Variants in TRERF1 observed in about 807,000 individuals in gnomAD.
TRERF1 encodes transcriptional-regulating factor 1.
Under a neutral mutation model 122.9 loss-of-function variants are expected in TRERF1, and 27 were observed. The observed-to-expected ratio is 0.22, with a 90% CI of 0.16 to 0.30. TRERF1 has a LOEUF of 0.30. TRERF1 is among the 10% of genes least tolerant of loss of function. The pLI is 1.00. For synonymous variants in TRERF1, 636 were observed against 641.7 expected, an observed-to-expected ratio of 0.99 and a Z score of 0.13; for missense variants, 1,248 against 1,560.3, an observed-to-expected ratio of 0.80 and a Z score of 3.37.
intron 3 of TRERF1, among the ~76,000 whole-genome samples, chr6:42,354,588 G>T (rs1023057410): frequency 9.9e-5 from 15 of 151,874 alleles, no homozygotes; most frequent in African/African-American, 3.6e-4. Context: ...TGTTAATGAG[G>T]CATCAGAATT....
At chr6:42,321,003 AG>A (rs1385504114) in intron 3 of TRERF1, among the ~76,000 whole-genome samples, 1 of 152,150 alleles carries the variant, frequency 6.6e-6, no homozygotes, top group Non-Finnish European at 1.5e-5. Context: ...AAATGGCCAC[AG>A]GCTCATGACT....
chr6:42,283,772 G>A (rs910998933), intron 4 of TRERF1, among the ~76,000 whole-genome samples: 1 of 151,636 alleles, frequency 6.6e-6, no homozygotes, highest in East Asian at 1.9e-4. Flanking sequence ...ATGCGCCACC[G>A]TGCCTGGCTA....
At position 42,297,099 on chromosome 6, in the gene TRERF1, T is replaced by C. The variant is rs1582884075; in HGVS notation, c.-259+3539A>G. Among the ~76,000 whole-genome samples the C allele has an allele frequency of 2.0e-5, 3 of 152,290 alleles. No homozygotes were observed. In the East Asian group the frequency reaches 5.8e-4, roughly 29 times the overall value. ...AGAGGGACATATTCTCTCCCAGCCT[T>C]TCACCTGCTAGGCCTATGGCTACAC... On this transcript the variant is annotated intron_variant, in intron 4 of 17. Coordinates refer to ENST00000372922, the Ensembl canonical transcript of TRERF1.
chr6:42,379,809 G>A (rs775263363), intron 2 of TRERF1, among the ~76,000 whole-genome samples: 1 of 152,244 alleles, frequency 6.6e-6, no homozygotes, highest in Non-Finnish European at 1.5e-5. Flanking sequence ...GGGATGACAT[G>A]GGATTACAGG....
Position 42,268,859 on chromosome 6 carries a change from T to C in TRERF1, c.732A>G (p.Pro244=). ...CCTGCAGTGGCTGTCCTCCCTGCACTGGCACCTGAGCCAGAGGCTGCTGGT... is the reference window on the plus strand; with the variant it reads ...CCTGCAGTGGCTGTCCTCCCTGCACCGGCACCTGAGCCAGAGGCTGCTGGT... Residue 244 remains proline (P), a synonymous_variant, in exon 5 of 18, where the codon CCA becomes CCG. Transcript: ENST00000372922. The surrounding 1 kb of genome is among the most constrained non-coding windows in gnomAD (Gnocchi z 4.4). 1 of 1,614,134 alleles carries C rather than the reference T, an allele frequency of 6.2e-7. No individual in the cohort carries two copies. The highest frequency in any genetic ancestry group is 8.5e-7 in the Non-Finnish European group (1 of 1,180,008).
chr6:42,425,528 C>CTT (rs1783497341), intron 2 of TRERF1, among the ~76,000 whole-genome samples: 2 of 82,484 alleles, frequency 2.4e-5, no homozygotes, highest in African/African-American at 9.0e-5. Context: ...GCCCCCTGGG[C>CTT]ATTTTTTTTT....
At chr6:42,267,983 G>A (rs1779509602) in intron 5 of TRERF1, among the ~76,000 whole-genome samples, 171 bp downstream of exon 5, 1 of 152,238 alleles carries the variant, frequency 6.6e-6, no homozygotes, top group Non-Finnish European at 1.5e-5. Flanking sequence ...GATTGATTTT[G>A]TATTCCAAGT....
chr6:42,236,083 C>A, intron 16 of TRERF1, 122 bp downstream of exon 16: 2 of 1,402,338 alleles, frequency 1.4e-6, no homozygotes, highest in Non-Finnish European at 1.9e-6. Flanking sequence ...CAACATGGAG[C>A]ACCCTCTGCC....
chr6:42,328,874 C>G (rs115577285), intron 3 of TRERF1, among the ~76,000 whole-genome samples: 1,844 of 152,224 alleles, frequency 0.012, 31 homozygotes, highest in African/African-American at 0.04. Context: ...CTCATGCTCA[C>G]CTGAGAGAAA....
Position 42,243,084 on chromosome 6 carries a change from C to T in TRERF1, c.2859+164G>A, listed in dbSNP as rs548199697. On this transcript the variant is annotated intron_variant, in intron 15 of 17. Coordinates refer to ENST00000372922, the Ensembl canonical transcript of TRERF1. Reference sequence around the variant, plus strand: ...TATGGACTTCTTTCCTTTAAACCTACTCAGGAGGGTAGGTCCTGAATCCTG... The same window carrying T: ...TATGGACTTCTTTCCTTTAAACCTATTCAGGAGGGTAGGTCCTGAATCCTG... Among the ~76,000 whole-genome samples, 25 of 152,330 alleles carry T rather than the reference C, an allele frequency of 1.6e-4. No individual in the cohort carries two copies. In the South Asian group the frequency reaches 2.5e-3, roughly 15 times the overall value.
At chr6:42,236,399 C>T in exon 16 of TRERF1, 1 of 1,554,274 alleles carries the variant, frequency 6.4e-7, no homozygotes, top group South Asian at 1.2e-5. Context: ...AACTCTTCTT[C>T]TTCTTCACTT....
intron 16 of TRERF1, among the ~76,000 whole-genome samples, chr6:42,233,793 C>T (rs756140807): frequency 6.6e-5 from 10 of 152,118 alleles, no homozygotes; most frequent in Non-Finnish European, 1.0e-4. Flanking sequence ...CCCGAGGAAG[C>T]CCTAGCACCC....
At chr6:42,258,486 C>T (rs577691368) in intron 9 of TRERF1, among the ~76,000 whole-genome samples, 1 of 152,334 alleles carries the variant, frequency 6.6e-6, no homozygotes, top group South Asian at 2.1e-4. Flanking sequence ...GAGATCCTAG[C>T]CTCTCTATGC....
At chr6:42,321,596 C>T (rs1436171626) in intron 3 of TRERF1, among the ~76,000 whole-genome samples, 1 of 152,144 alleles carries the variant, frequency 6.6e-6, no homozygotes, top group African/African-American at 2.4e-5. Context: ...AATAAATGAG[C>T]AAGTCAGGTA....
intron 3 of TRERF1, among the ~76,000 whole-genome samples, chr6:42,353,476 T>C (rs1410258890): frequency 3.9e-5 from 6 of 151,976 alleles, no homozygotes; most frequent in Non-Finnish European, 7.4e-5. Flanking sequence ...CAATCCCAGC[T>C]ACTCAGGAGG....
intron 2 of TRERF1, among the ~76,000 whole-genome samples, chr6:42,394,803 A>G (rs1466343905): frequency 6.6e-6 from 1 of 152,226 alleles, no homozygotes. Flanking sequence ...AAGGAAAGAA[A>G]AGGAAAGGAG....
intron 4 of TRERF1, among the ~76,000 whole-genome samples, chr6:42,297,132 G>C (rs1347672551): frequency 1.3e-5 from 2 of 152,152 alleles, no homozygotes; most frequent in African/African-American, 4.8e-5. Context: ...CACCCTCTCT[G>C]AGCTTCAGGT....
Position 42,416,036 on chromosome 6 carries a change from T to C in TRERF1, c.-454+35141A>G, listed in dbSNP as rs1259378783. Among the ~76,000 whole-genome samples the C allele has an allele frequency of 4.6e-5, 7 of 152,166 alleles. No individual in the cohort carries two copies. In the East Asian group the frequency reaches 1.3e-3, roughly 29 times the overall value. ...ATATGTTAATATAATTTTATTAAGC[T>C]TATAACTAGATATTTTATCTCTTCT... On this transcript the variant is annotated intron_variant, in intron 2 of 17. Coordinates refer to ENST00000372922, the Ensembl canonical transcript of TRERF1.
At chr6:42,432,930 G>A (rs543238294) in intron 2 of TRERF1, among the ~76,000 whole-genome samples, 14 of 151,846 alleles carry the variant, frequency 9.2e-5, no homozygotes, top group East Asian at 5.8e-4. Flanking sequence ...TAAAGGATAC[G>A]AAATTAGACT....
Sources: allele counts gnomAD v4.1 joint callset (sites outside exome capture counted in the v4.1 genomes callset), GRCh38; gene constraint gnomAD v4.1.1; non-coding constraint Gnocchi (gnomAD v3.1); transcripts MANE v1.5; gene names NCBI Gene and HGNC (gene_info 2026-07-23, HGNC 2026-07-21).